The following FSIP1 variants were observed in gnomAD, a reference collection of about 807,000 sequenced individuals.
FSIP1 encodes fibrous sheath interacting protein 1.
Under a neutral mutation model 60.9 loss-of-function variants are expected in FSIP1, and 65 were observed. The observed-to-expected ratio is 1.07, with a 90% confidence interval of 0.87 to 1.31. The LOEUF (loss-of-function observed/expected upper bound fraction) is 1.31. Ranked by LOEUF, FSIP1 falls within the 40% of genes most tolerant of loss-of-function variation. The pLI is 0.00. For missense variants in FSIP1, 675 were observed against 665.5 expected (o/e 1.01, Z -0.16); for synonymous variants, 209 against 221.2 (o/e 0.94, Z 0.49).
At chr15:39,727,831 GAGA>G (rs1896255224) in intron 8 of FSIP1, among the ~76,000 whole-genome samples, 1 of 152,156 alleles carries the variant, frequency 6.6e-6, no homozygotes, top group Non-Finnish European at 1.5e-5. Flanking sequence ...CAAATAGGAA[GAGA>G]AGAAGTTCAA....
At chr15:39,718,531 C>T (rs1313534908) in intron 9 of FSIP1, among the ~76,000 whole-genome samples, 1 of 147,580 alleles carries the variant, frequency 6.8e-6, no homozygotes, top group Non-Finnish European at 1.5e-5. Context: ...TATTCTGCCA[C>T]CCAGGCTGGA....
chr15:39,738,030 T>A, intron 8 of FSIP1, 61 bp downstream of exon 8: 1 of 945,862 alleles, frequency 1.1e-6, no homozygotes, highest in Non-Finnish European at 1.6e-6. Context: ...ACTGGGCCAA[T>A]AATATTATTT....
chr15:39,764,028 G>C (rs1056637017), intron 4 of FSIP1, 114 bp from the exon 5 acceptor site: 19 of 607,978 alleles, frequency 3.1e-5, no homozygotes, highest in African/African-American at 3.8e-5. Flanking sequence ...GAAGTCTCAG[G>C]CTATTTTTTT....
intron 2 of FSIP1, among the ~76,000 whole-genome samples, chr15:39,773,841 A>C (rs965708277): frequency 3.9e-5 from 6 of 152,212 alleles, no homozygotes; most frequent in Non-Finnish European, 8.8e-5. Flanking sequence ...TAGATCAGTA[A>C]TTGTAAGGGA....
intron 10 of FSIP1, among the ~76,000 whole-genome samples, chr15:39,697,739 G>T (rs1894879119): frequency 6.6e-6 from 1 of 152,198 alleles, no homozygotes; most frequent in Non-Finnish European, 1.5e-5. Flanking sequence ...ATATGTCCAA[G>T]ATGTGAAATT....
chr15:39,705,319 T>C (rs1272783797), intron 10 of FSIP1, among the ~76,000 whole-genome samples: 1 of 152,134 alleles, frequency 6.6e-6, no homozygotes, highest in African/African-American at 2.4e-5. Flanking sequence ...ATGTTCTTTA[T>C]TTTTTAAAAA....
intron 1 of FSIP1, among the ~76,000 whole-genome samples, chr15:39,780,546 T>C (rs570514306): frequency 3.2e-4 from 48 of 152,320 alleles, no homozygotes; most frequent in East Asian, 2.3e-3. Flanking sequence ...ATTTATTTTA[T>C]CTATTTTTCT....
chr15:39,692,758 A>C (rs923776937), intron 10 of FSIP1, among the ~76,000 whole-genome samples: 2 of 152,148 alleles, frequency 1.3e-5, no homozygotes, highest in Non-Finnish European at 2.9e-5. Context: ...AAAAAAAAGA[A>C]AGAAAGAAAG....
intron 10 of FSIP1, among the ~76,000 whole-genome samples, chr15:39,698,667 G>A (rs890844925): frequency 3.9e-5 from 6 of 152,168 alleles, no homozygotes; most frequent in Admixed American, 1.3e-4. Flanking sequence ...GTGGAGTGGC[G>A]TTATAGTTTG....
At chr15:39,672,880 G>C (rs530266580) in intron 10 of FSIP1, among the ~76,000 whole-genome samples, 1 of 152,196 alleles carries the variant, frequency 6.6e-6, no homozygotes, top group African/African-American at 2.4e-5. Context: ...AGATGGATGA[G>C]ATGGGGTAGG....
chr15:39,733,043 T>C (rs1293567539), intron 8 of FSIP1, among the ~76,000 whole-genome samples: 1 of 152,140 alleles, frequency 6.6e-6, no homozygotes, highest in Admixed American at 6.5e-5. Flanking sequence ...TAAATATTAG[T>C]GTAAATATTT....
intron 10 of FSIP1, among the ~76,000 whole-genome samples, chr15:39,692,589 A>G (rs1285228543): frequency 6.6e-6 from 1 of 152,174 alleles, no homozygotes; most frequent in Non-Finnish European, 1.5e-5. Flanking sequence ...AGAGTACTAA[A>G]CCCTCAATTT....
intron 7 of FSIP1, 107 bp downstream of exon 7, chr15:39,739,558 A>G: frequency 9.9e-7 from 1 of 1,013,862 alleles, no homozygotes; most frequent in Non-Finnish European, 1.5e-6. Flanking sequence ...AATCATTTAT[A>G]CATTTATGAT....
At chr15:39,709,676 G>T (rs1209406817) in intron 10 of FSIP1, among the ~76,000 whole-genome samples, 2 of 151,978 alleles carry the variant, frequency 1.3e-5, no homozygotes, top group East Asian at 3.9e-4. Context: ...TGGGGGAGGG[G>T]TATGGTTTTT....
intron 5 of FSIP1, among the ~76,000 whole-genome samples, chr15:39,745,102 C>G (rs531065501): frequency 7.3e-6 from 1 of 136,704 alleles, no homozygotes; most frequent in East Asian, 2.5e-4. Flanking sequence ...CCCCGCCCCC[C>G]ACCCCGCCAT....
At chr15:39,597,454 AATTTAT>A (rs1890494993), downstream of FSIP1, 1 of 151,854 alleles carries the variant, frequency 6.6e-6, no homozygotes, top group East Asian at 1.9e-4. Flanking sequence ...ATCATATGGA[AATTTAT>A]ATTTATACTT....
In FSIP1 at chr15:39,600,807, C is replaced by T; in HGVS notation, c.*73G>A. On this transcript the variant is annotated 3_prime_UTR_variant, in exon 12 of 12. Transcript: ENST00000350221. ...GTCTCTGCAGTGCATTCATTGAATT[C>T]AAATAATTCAATAAGAAATTTAATT... is the stretch of plus-strand genomic sequence containing the variant. The T allele has an allele frequency of 8.3e-7, 1 of 1,204,672 alleles. No homozygotes were observed. The highest frequency in any genetic ancestry group is 2.0e-5 in the Admixed American group (1 of 48,892). The allele number at this position is 1,204,672 out of a possible 1,614,324, so 74.6% of individuals were successfully genotyped here. A position where few individuals can be genotyped will look rare whatever the true frequency, so the allele number is the denominator to read the frequency against.
At chr15:39,704,977 A>C (rs1895204504) in intron 10 of FSIP1, among the ~76,000 whole-genome samples, 2 of 152,220 alleles carry the variant, frequency 1.3e-5, no homozygotes, top group Non-Finnish European at 2.9e-5. Flanking sequence ...GAAACTGAAA[A>C]GAGAAAGAAT....
chr15:39,644,283 C>A (rs565113225), intron 10 of FSIP1, among the ~76,000 whole-genome samples: 1 of 152,196 alleles, frequency 6.6e-6, no homozygotes, highest in Non-Finnish European at 1.5e-5. Flanking sequence ...TCCAGCTGCC[C>A]GGCCGAGTGT....
Sources: allele counts gnomAD v4.1 joint callset (sites outside exome capture counted in the v4.1 genomes callset), GRCh38; gene constraint gnomAD v4.1.1; transcripts MANE v1.5; gene names NCBI Gene and HGNC (gene_info 2026-07-23, HGNC 2026-07-21).